Variants in SNX9 observed in about 807,000 individuals in gnomAD.
SNX9 encodes the protein sorting nexin 9.
Under a neutral mutation model 89.4 loss-of-function variants are expected in SNX9, and 44 were observed. The observed-to-expected ratio is 0.49, with a 90% confidence interval of 0.39 to 0.63. SNX9 has a LOEUF of 0.63. Ranked by LOEUF, SNX9 falls within the 30% of genes least tolerant of loss-of-function variation. The probability of loss-of-function intolerance (pLI) is 0.00; values close to 1 mark genes in which losing one functional copy is unlikely to be tolerated. For missense variants in SNX9, 578 were observed against 736.1 expected, an observed-to-expected ratio of 0.79 and a Z score of 2.49; for synonymous variants, 236 against 247.8, an observed-to-expected ratio of 0.95 and a Z score of 0.45.
chr6:157,915,572 G>C (rs1783443060), intron 9 of SNX9, among the ~76,000 whole-genome samples: 1 of 145,414 alleles, frequency 6.9e-6, no homozygotes, highest in Non-Finnish European at 1.5e-5. Context: ...GATCACCTGA[G>C]GTCAGGAGTT....
intron 13 of SNX9, among the ~76,000 whole-genome samples, chr6:157,934,619 G>GT (rs1783887933): frequency 6.6e-6 from 1 of 152,102 alleles, no homozygotes; most frequent in African/African-American, 2.4e-5. Flanking sequence ...TGTTGGTATT[G>GT]TTATTCTAAA....
chr6:157,861,606 AGTAAGC>A (rs1782123015), intron 1 of SNX9, among the ~76,000 whole-genome samples: 1 of 152,184 alleles, frequency 6.6e-6, no homozygotes, highest in South Asian at 2.1e-4. Flanking sequence ...ATAACAGTGG[AGTAAGC>A]GCAAGGTTGA....
intron 4 of SNX9, among the ~76,000 whole-genome samples, chr6:157,885,576 A>G (rs1246329669): frequency 1.3e-5 from 2 of 152,226 alleles, no homozygotes; most frequent in Non-Finnish European, 2.9e-5. Context: ...TTTGCTTTCT[A>G]TTCCTACTTC....
Position 157,940,926 on chromosome 6 carries a change from C to T in SNX9, c.1692C>T (p.Asn564=). The T allele has an allele frequency of 1.9e-6, 3 of 1,614,234 alleles. No homozygotes were observed. The highest frequency in any genetic ancestry group is 1.7e-6 in the Non-Finnish European group (2 of 1,180,034). The change falls in exon 17 of 18, where the codon AAC becomes AAT. Residue 564 remains asparagine (N), a synonymous_variant. Transcript: ENST00000392185. ...HFHSNRIYDY[N]SVIRLYLEQQ... is the part of the protein sequence containing the mutation. ...ACAGTAACCGGATCTATGATTACAA[C>T]AGTGTCATCCGCCTGTACCTGGAGC...
At chr6:157,907,817 T>G (rs1013817468) in intron 7 of SNX9, among the ~76,000 whole-genome samples, 4 of 152,234 alleles carry the variant, frequency 2.6e-5, no homozygotes, top group African/African-American at 9.6e-5. Context: ...TGCAGTAACC[T>G]TGCCCACTCA....
chr6:157,834,150 G>GGTT (rs1781529539), intron 1 of SNX9, among the ~76,000 whole-genome samples: 1 of 35,620 alleles, frequency 2.8e-5, no homozygotes, highest in Non-Finnish European at 4.8e-5. Context: ...GTCCACTGTG[G>GGTT]TTTTTTTTTT....
chr6:157,896,906 C>T lies in SNX9; in HGVS notation c.380C>T (p.Ala127Val), dbSNP rs1178466406. The T allele has an allele frequency of 1.2e-6, 2 of 1,613,378 alleles. No homozygotes were observed. Among genetic ancestry groups the T allele is most frequent in the South Asian group, 1.1e-5 (1 of 90,992 alleles). The change falls in exon 5 of 18, where the codon GCC becomes GTC. Residue 127 changes from alanine to valine, a missense_variant. Physicochemically the swap from Ala to Val is moderately conservative, Grantham distance 64. This residue lies in a region of SNX9 where 230 missense variants were observed against 244.7 expected (regional missense o/e 0.94). Transcript: ENST00000392185. ...TGGGAAAGCTCAGAAGGCTGGGGGG[C>T]CCAGCCAGAGGGGGCTGGAGCCCAA... ...GNWESSEGWGAQPEGAGAQRN... is the reference protein window; with the variant it reads ...GNWESSEGWGVQPEGAGAQRN...
intron 12 of SNX9, among the ~76,000 whole-genome samples, chr6:157,931,494 G>A (rs1029207880): frequency 2.6e-5 from 4 of 152,218 alleles, no homozygotes; most frequent in Non-Finnish European, 5.9e-5. Context: ...AGTAGCTTAA[G>A]GTGCAGAGAC....
rs1451386086 is a variant in SNX9 at position 157,826,793 on chromosome 6, T to TAA, written c.12+3348_12+3349insAA. Among the ~76,000 whole-genome samples the TAA allele has an allele frequency of 3.2e-4, 36 of 111,454 alleles. 8 individuals are homozygous for TAA. The highest frequency in any genetic ancestry group is 1.5e-3 in the African/African-American group (34 of 22,298). 73.1% of individuals were successfully genotyped at this position (111,454 alleles called of 152,430 possible). A position where few individuals can be genotyped will look rare whatever the true frequency, so the allele number is the denominator to read the frequency against. On this transcript the variant is annotated intron_variant, in intron 1 of 17. Coordinates refer to ENST00000392185, the MANE Select transcript of SNX9 (RefSeq NM_016224.5). ...ATATATAAATATATTATATTATATA[T>TAA]ATATATTATATTTTATATATAAATA...
intron 4 of SNX9, among the ~76,000 whole-genome samples, chr6:157,888,931 G>A (rs1583218552): frequency 6.6e-6 from 1 of 152,128 alleles, no homozygotes. Flanking sequence ...TTGACTGTGA[G>A]GAGGAGTGTG....
chr6:157,934,955 A>G (rs1401312341), intron 13 of SNX9, among the ~76,000 whole-genome samples: 1 of 152,246 alleles, frequency 6.6e-6, no homozygotes, highest in African/African-American at 2.4e-5. Context: ...GGAAGAGCCT[A>G]CCACTGGCCA....
At chr6:157,939,593 G>T (rs1182189482) in intron 16 of SNX9, among the ~76,000 whole-genome samples, 1 of 152,160 alleles carries the variant, frequency 6.6e-6, no homozygotes, top group Admixed American at 6.5e-5. Flanking sequence ...AAGCACATTT[G>T]CAGGCTTTTC....
At chr6:157,826,502 G>GGACAAAAAAAAAAAAAA (rs1554290484) in intron 1 of SNX9, among the ~76,000 whole-genome samples, 1 of 78,042 alleles carries the variant, frequency 1.3e-5, no homozygotes, top group African/African-American at 4.2e-5. Flanking sequence ...TCCATCTCAA[G>GGACAAAAAAAAAAAAAA]AAAAAAAAAA....
At chr6:157,865,227 T>C (rs1782234810) in intron 1 of SNX9, among the ~76,000 whole-genome samples, 2 of 150,622 alleles carry the variant, frequency 1.3e-5, no homozygotes, top group Non-Finnish European at 2.9e-5. Context: ...TAGTCCCAGC[T>C]ACTTGGGAGG....
At chr6:157,855,350 T>G (rs1242366287) in intron 1 of SNX9, among the ~76,000 whole-genome samples, 4 of 152,244 alleles carry the variant, frequency 2.6e-5, no homozygotes, top group African/African-American at 9.6e-5. Flanking sequence ...GCAGTAAATA[T>G]GAATAACCAT....
At chr6:157,857,951 T>C (rs1246039025) in intron 1 of SNX9, among the ~76,000 whole-genome samples, 2 of 152,218 alleles carry the variant, frequency 1.3e-5, no homozygotes, top group Non-Finnish European at 2.9e-5. Context: ...TGCGTGGTTC[T>C]TGTGGTCTGG....
At chr6:157,922,635 G>A (rs1176483052) in intron 10 of SNX9, among the ~76,000 whole-genome samples, 1 of 152,090 alleles carries the variant, frequency 6.6e-6, no homozygotes, top group Non-Finnish European at 1.5e-5. Flanking sequence ...ACATATTTGG[G>A]CCTTATTTTC....
At position 157,896,915 on chromosome 6, in the gene SNX9, A is replaced by G; in HGVS notation, c.389A>G (p.Glu130Gly). ...TCAGAAGGCTGGGGGGCCCAGCCAG[A>G]GGGGGCTGGAGCCCAAAGAAACACA... ...ESSEGWGAQPEGAGAQRNTNT... is the reference protein window; with the variant it reads ...ESSEGWGAQPGGAGAQRNTNT... Residue 130 changes from glutamate (E) to glycine (G), a missense_variant, in exon 5 of 18, where the codon GAG becomes GGG. Glu to Gly is a moderately conservative substitution (Grantham distance 98). Coordinates refer to ENST00000392185, the MANE Select transcript of SNX9 (RefSeq NM_016224.5). 6.2e-7 allele frequency: 1 copy of G among 1,613,380 alleles called. No homozygotes were observed. Among genetic ancestry groups the G allele is most frequent in the Non-Finnish European group, 8.5e-7 (1 of 1,179,760 alleles).
At chr6:157,854,378 G>A (rs1022166671) in intron 1 of SNX9, among the ~76,000 whole-genome samples, 1 of 152,194 alleles carries the variant, frequency 6.6e-6, no homozygotes, top group African/African-American at 2.4e-5. Flanking sequence ...AAAGAACAAA[G>A]TAGCTATGCT....
Sources: gnomAD v4.1 joint callset for allele counts (sites outside exome capture counted in the v4.1 genomes callset) on GRCh38, gnomAD v4.1.1 for gene constraint, gnomAD v4.1.1 regional missense constraint, MANE v1.5 for transcripts, NCBI Gene and HGNC (gene_info 2026-07-23, HGNC 2026-07-21) for gene names.